Variants in BAIAP2 observed in about 807,000 individuals in gnomAD.
The protein encoded by BAIAP2 is BAR/IMD domain containing adaptor protein 2.
BAIAP2 carries 18 observed loss-of-function variants against 63.0 expected under a neutral mutation model. The observed-to-expected ratio is 0.29, with a 90% CI of 0.20 to 0.42. BAIAP2 has a LOEUF of 0.42. BAIAP2 is among the 10% of genes least tolerant of loss of function. The pLI is 1.00. For missense variants in BAIAP2, 610 were observed against 734.3 expected (o/e 0.83, Z 1.96); for synonymous variants, 386 against 307.6 (o/e 1.25, Z -2.67).
chr17:81,074,707 C>A (rs531623460), intron 3 of BAIAP2, among the ~76,000 whole-genome samples: 1 of 137,600 alleles, frequency 7.3e-6, no homozygotes, highest in Non-Finnish European at 1.6e-5. Flanking sequence ...TGCACGGATG[C>A]GTGTCTGTGC....
At position 81,115,954 on chromosome 17, in the gene BAIAP2, G is replaced by C; in HGVS notation, c.*115G>C. On this transcript the variant is annotated 3_prime_UTR_variant, in exon 14 of 14. Transcript: ENST00000428708. ...AGAACATCCAGGCCCCGGCTGCCTG[G>C]TCTTGCCCCACTTGAGTCTGGCCTG... 1 of 1,528,914 alleles carries C rather than the reference G, an allele frequency of 6.5e-7. No individual in the cohort carries two copies. The highest frequency in any genetic ancestry group is 8.8e-7 in the Non-Finnish European group (1 of 1,138,266). The allele number at this position is 1,528,914 out of a possible 1,614,324, so 94.7% of individuals were successfully genotyped here. A position where few individuals can be genotyped will look rare whatever the true frequency, so the allele number is the denominator to read the frequency against.
chr17:81,088,978 G>A (rs2056228539), intron 6 of BAIAP2, among the ~76,000 whole-genome samples: 1 of 152,220 alleles, frequency 6.6e-6, no homozygotes, highest in African/African-American at 2.4e-5. Context: ...CCAGCTCCCT[G>A]GTTTTCAGGT....
rs1470514580 is a variant in BAIAP2 at position 81,048,605 on chromosome 17, G to GCCAGCAGTGT, written c.55-5055_55-5046dup. On this transcript the variant is annotated intron_variant, in intron 1 of 13. Coordinates refer to ENST00000428708, the MANE Select transcript of BAIAP2 (RefSeq NM_001144888.2). Reference sequence around the variant, plus strand: ...ATAATGGCCATCAGTCTCCAGGCTGGCCAGCAGTGTCCAGCAGCTCGCCAG... The same window carrying GCCAGCAGTGT: ...ATAATGGCCATCAGTCTCCAGGCTGGCCAGCAGTGTCCAGCAGTGTCCAGCAGCTCGCCAG... Among the ~76,000 whole-genome samples, 4 of 152,258 alleles carry GCCAGCAGTGT rather than the reference G, an allele frequency of 2.6e-5. No homozygotes were observed. In the East Asian group the frequency reaches 7.7e-4, roughly 29 times the overall value.
At position 81,077,278 on chromosome 17, in the gene BAIAP2, A is replaced by G. The variant is rs1427915451; in HGVS notation, c.218-7554A>G. Among the ~76,000 whole-genome samples the G allele has an allele frequency of 2.6e-5, 4 of 152,070 alleles. No individual in the cohort carries two copies. In the South Asian group the frequency reaches 8.3e-4, roughly 32 times the overall value. On this transcript the variant is annotated intron_variant, in intron 3 of 13. Coordinates refer to ENST00000428708, the MANE Select transcript of BAIAP2 (RefSeq NM_001144888.2). The stretch of plus-strand genomic sequence containing the variant: ...GATCCCCACACCGGCCACAGTCCCA[A>G]TTTCTTAGCCGGGCATGGCAGCTCA...
chr17:81,100,142 C>T (rs1371472909), intron 7 of BAIAP2, 62 bp downstream of exon 7: 1 of 1,540,148 alleles, frequency 6.5e-7, no homozygotes, highest in Non-Finnish European at 8.8e-7. Flanking sequence ...ATGACCCAGG[C>T]CCCTGCCCCA....
At chr17:81,051,937 G>A (rs115608019) in intron 1 of BAIAP2, among the ~76,000 whole-genome samples, 324 of 152,282 alleles carry the variant, frequency 2.1e-3, no homozygotes, top group African/African-American at 7.1e-3. Flanking sequence ...TGATCTTCCC[G>A]CCTCTGCCTC....
chr17:81,044,664 G>C (rs575929611), intron 1 of BAIAP2, among the ~76,000 whole-genome samples: 17 of 152,350 alleles, frequency 1.1e-4, no homozygotes, highest in Non-Finnish European at 2.4e-4. Flanking sequence ...TGGAGGGGCC[G>C]AGTCTCCCAT....
At position 81,102,498 on chromosome 17, in the gene BAIAP2, G is replaced by A. The variant is rs1282164804; in HGVS notation, c.643-1004G>A. The stretch of plus-strand genomic sequence containing the variant: ...TCCAGCTCTGTTACTGCAATGTGAG[G>A]GCAGCCATGAATGAATGATTCACAA... On this transcript the variant is annotated intron_variant, in intron 7 of 13. Coordinates refer to ENST00000428708, the MANE Select transcript of BAIAP2 (RefSeq NM_001144888.2). Among the ~76,000 whole-genome samples, 3 of 152,218 alleles carry A rather than the reference G, an allele frequency of 2.0e-5. No homozygotes were observed. The East Asian group carries it at 5.8e-4, about 29-fold the overall frequency.
At chr17:81,062,576 C>T (rs1342529974) in intron 3 of BAIAP2, among the ~76,000 whole-genome samples, 4 of 152,144 alleles carry the variant, frequency 2.6e-5, no homozygotes, top group African/African-American at 7.2e-5. Context: ...GCTGCTCGGC[C>T]GTGCAGAGTC....
Position 81,035,190 on chromosome 17 carries a change from A to G in BAIAP2, c.-65A>G, listed in dbSNP as rs1168416259. 9.7e-6 allele frequency: 13 copies of G among 1,343,432 alleles called. No homozygotes were observed. The African/African-American group carries it at 1.5e-4, about 16-fold the overall frequency. 83.2% of individuals were successfully genotyped at this position (1,343,432 alleles called of 1,614,324 possible). On this transcript the variant is annotated 5_prime_UTR_variant, in exon 1 of 14. Coordinates refer to ENST00000428708, the MANE Select transcript of BAIAP2 (RefSeq NM_001144888.2). Reference sequence around the variant, plus strand: ...CTTTCGTCTCCGTCCTGCTGCCGTTACCGCCGCTGCTGCCGCCGCTTGCGT... The same window carrying G: ...CTTTCGTCTCCGTCCTGCTGCCGTTGCCGCCGCTGCTGCCGCCGCTTGCGT...
At chr17:81,061,034 G>A (rs1401307678) in intron 3 of BAIAP2, among the ~76,000 whole-genome samples, 6 of 152,230 alleles carry the variant, frequency 3.9e-5, no homozygotes, top group Non-Finnish European at 8.8e-5. Context: ...TGAGACAGGA[G>A]AATCGCTTGA....
intron 3 of BAIAP2, among the ~76,000 whole-genome samples, chr17:81,067,533 G>A (rs769405429): frequency 2.6e-5 from 4 of 152,142 alleles, no homozygotes; most frequent in African/African-American, 2.4e-5. Context: ...TGGATTGGCC[G>A]TGTTGCAGCC....
intron 1 of BAIAP2, among the ~76,000 whole-genome samples, chr17:81,048,185 G>C (rs1207018056): frequency 6.6e-6 from 1 of 152,112 alleles, no homozygotes; most frequent in African/African-American, 2.4e-5. Flanking sequence ...GGGAGTTCGA[G>C]ACTAGCCTGG....
intron 13 of BAIAP2, among the ~76,000 whole-genome samples, chr17:81,113,393 G>C (rs963588378): frequency 2.0e-5 from 3 of 152,252 alleles, no homozygotes; most frequent in African/African-American, 7.2e-5. Flanking sequence ...TGGCTAACGT[G>C]TGGTGACCTT....
At chr17:81,065,470 C>T (rs540618917) in intron 3 of BAIAP2, among the ~76,000 whole-genome samples, 3 of 152,334 alleles carry the variant, frequency 2.0e-5, no homozygotes, top group Admixed American at 6.5e-5. Flanking sequence ...GGCAGGTGCT[C>T]ACCATGCCGC....
At chr17:81,057,742 CAGCGAGTCG>C in intron 2 of BAIAP2, 130 bp from the exon 3 acceptor site, 1 of 1,413,500 alleles carries the variant, frequency 7.1e-7, no homozygotes, top group Admixed American at 3.0e-5. Context: ...CCAGAAATCA[CAGCGAGTCG>C]AGTATTCTCC....
intron 6 of BAIAP2, among the ~76,000 whole-genome samples, chr17:81,096,477 T>A (rs912591640): frequency 6.6e-6 from 1 of 152,250 alleles, no homozygotes; most frequent in Non-Finnish European, 1.5e-5. Context: ...CCAGCATCCC[T>A]GGCAGTTCCC....
rs370066378 is a variant in BAIAP2 at position 81,035,212 on chromosome 17, G to C, written c.-43G>C. On this transcript the variant is annotated 5_prime_UTR_variant, in exon 1 of 14. Transcript: ENST00000428708. ...GTTACCGCCGCTGCTGCCGCCGCTT[G>C]CGTCCCCCGCTCCGGTCTGTGGTGC... The C allele has an allele frequency of 3.0e-4, 436 of 1,451,618 alleles. 1 individual carries two copies. Among genetic ancestry groups the C allele is most frequent in the Non-Finnish European group, 3.1e-4 (336 of 1,090,162 alleles). 89.9% of individuals were successfully genotyped at this position (1,451,618 alleles called of 1,614,324 possible).
In BAIAP2 at chr17:81,106,761, A is replaced by G. The variant is rs2059233041; in HGVS notation, c.1354A>G (p.Ser452Gly). 1 of 1,612,516 alleles carries G rather than the reference A, an allele frequency of 6.2e-7. No homozygotes were observed. Among genetic ancestry groups the G allele is most frequent in the Non-Finnish European group, 8.5e-7 (1 of 1,179,800 alleles). ...TCCCTACAGCCTGCAGCAAGGGAAG[A>G]GCAGCAGCACGGGCAACCTCCTGGA... ...RLHMSLQQGK[S>G]SSTGNLLDKD... The change falls in exon 12 of 14, where the codon AGC becomes GGC. Residue 452 changes from serine to glycine, a missense_variant. Physicochemically the swap from Ser to Gly is moderately conservative, Grantham distance 56. Transcript: ENST00000428708.
Sources: gnomAD v4.1 joint callset for allele counts (sites outside exome capture counted in the v4.1 genomes callset) on GRCh38, gnomAD v4.1.1 for gene constraint, MANE v1.5 for transcripts, NCBI Gene and HGNC (gene_info 2026-07-23, HGNC 2026-07-21) for gene names.